ATAD3B: variants seen among roughly 807,000 people sequenced by gnomAD.
ATAD3B encodes ATPase family AAA domain containing 3B, also known as ATPase family AAA domain-containing protein 3B.
Under a neutral mutation model 70.2 loss-of-function variants are expected in ATAD3B, and 59 were observed. The ratio of observed to expected loss-of-function variants is 0.84; its 90% CI spans 0.68 to 1.04. The LOEUF (loss-of-function observed/expected upper bound fraction) is 1.04, where lower values mean the gene tolerates loss of function less well. ATAD3B is among the 50% of genes least tolerant of loss of function. The pLI, the probability that ATAD3B is intolerant of heterozygous loss-of-function variation, is 0.00. For synonymous variants in ATAD3B, 423 were observed against 388.6 expected (o/e 1.09, Z -1.04); for missense variants, 961 against 913.4 (o/e 1.05, Z -0.67).
chr1:1,509,359 G>A, the ATAD3B span: 2 of 1,609,860 alleles, frequency 1.2e-6, no homozygotes, highest in Non-Finnish European at 1.7e-6. Context: ...TGAGTCCATG[G>A]GGAGACCACA....
rs1286706496 is a variant in ATAD3B at position 1,496,888 on chromosome 1, C to T, written c.*1071C>T. 7.6e-5 allele frequency: 11 copies of T among 145,074 alleles called. No individual in the cohort carries two copies. Among genetic ancestry groups the T allele is most frequent in the East Asian group, 2.1e-4 (1 of 4,752 alleles). 9.0% of individuals were successfully genotyped at this position (145,074 alleles called of 1,614,324 possible). A position where few individuals can be genotyped will look rare whatever the true frequency, so the allele number is the denominator to read the frequency against. ...CTGCACAGTCACTCCTCCAGGTCCT[C>T]GCTGCTGGAGGACTCTCAGACAGGA... is the stretch of plus-strand genomic sequence containing the variant. On this transcript the variant is annotated 3_prime_UTR_variant, in exon 16 of 16. Transcript: ENST00000673477.
intron 13 of ATAD3B, chr1:1,489,734 G>C: frequency 6.9e-6 from 9 of 1,309,538 alleles, no homozygotes; most frequent in South Asian, 4.9e-5. Context: ...CTGCTGGTCG[G>C]CCGTGGCTGA....
At chr1:1,495,336 G>T (rs1346730462) in intron 15 of ATAD3B, 149 bp from the exon 16 acceptor site, 2 of 1,119,266 alleles carry the variant, frequency 1.8e-6, no homozygotes, top group Non-Finnish European at 2.5e-6. Flanking sequence ...ACGCGTGCTG[G>T]GCTCTGCCAA....
chr1:1,480,642 G>C (rs1470740989), intron 4 of ATAD3B, among the ~76,000 whole-genome samples: 4 of 147,248 alleles, frequency 2.7e-5, no homozygotes, highest in Admixed American at 1.4e-4. Flanking sequence ...CACAGTGGGG[G>C]CTGTTTCTGC....
At chr1:1,491,820 G>A (rs1021147727) in intron 15 of ATAD3B, among the ~76,000 whole-genome samples, 11 of 151,948 alleles carry the variant, frequency 7.2e-5, no homozygotes, top group East Asian at 1.9e-4. Context: ...CTCAAACCCC[G>A]TCCTTGTGGG....
chr1:1,507,626 T>C, the ATAD3B span, among the ~76,000 whole-genome samples: 6 of 152,336 alleles, frequency 3.9e-5, no homozygotes, highest in East Asian at 1.2e-3. Context: ...CCAGTGATGC[T>C]CATCAAGGAT....
At chr1:1,489,028 G>A (rs1640385173) in intron 12 of ATAD3B, among the ~76,000 whole-genome samples, 176 bp from the exon 13 acceptor site, 1 of 151,870 alleles carries the variant, frequency 6.6e-6, no homozygotes, top group South Asian at 2.1e-4. Context: ...CTCCCAAAAT[G>A]CTGGGTTACA....
Position 1,477,358 on chromosome 1 carries a change from G to C in ATAD3B, c.282+8G>C. ...CAACAGTCCAAGCTCAAAGTGAGTGGGGCCGGTGTGGGCGAGGAGGCCGGG... is the reference window on the plus strand; with the variant it reads ...CAACAGTCCAAGCTCAAAGTGAGTGCGGCCGGTGTGGGCGAGGAGGCCGGG... On this transcript the variant is annotated splice_region_variant and intron_variant, in intron 2 of 15. Transcript: ENST00000673477. 6.2e-7 allele frequency: 1 copy of C among 1,611,996 alleles called. No homozygotes were observed. Among genetic ancestry groups the C allele is most frequent in the African/African-American group, 1.3e-5 (1 of 74,970 alleles).
At chr1:1,488,770 C>T (rs1041046269) in intron 12 of ATAD3B, among the ~76,000 whole-genome samples, 14 of 151,576 alleles carry the variant, frequency 9.2e-5, no homozygotes, top group Admixed American at 2.6e-4. Flanking sequence ...AAAAAAAAAG[C>T]GAGAGATTTG....
rs372554613 is a variant in ATAD3B at position 1,478,128 on chromosome 1, C to T, written c.283-516C>T. On this transcript the variant is annotated intron_variant, in intron 2 of 15. Coordinates refer to ENST00000673477, the MANE Select transcript of ATAD3B (RefSeq NM_031921.6). The stretch of plus-strand genomic sequence containing the variant: ...CCTCCTGCCTCAGCCTTCCGAGCAG[C>T]TGGGACTACAGGAGCCTGCCACCAC... 4.2e-4 allele frequency: 93 copies of T among 222,902 alleles called. No homozygotes were observed. The East Asian group carries it at 9.1e-3, about 22-fold the overall frequency. The allele number at this position is 222,902 out of a possible 1,614,324, so 13.8% of individuals were successfully genotyped here.
rs77085485 is a variant in ATAD3B, at chr1:1,486,354, G to C, written c.1089+119G>C. On this transcript the variant is annotated intron_variant, in intron 10 of 15. Transcript: ENST00000673477. ...CCCCCTTAGGCCTTTGCCTACCCTC[G>C]TGTAGGCTCAGGGTGCTGGTGTGGG... is the stretch of plus-strand genomic sequence containing the variant. 89,686 of 1,589,426 alleles carry C rather than the reference G, an allele frequency of 0.056. 15,263 individuals carry two copies. The highest frequency in any genetic ancestry group is 0.46 in the East Asian group (20,239 of 44,410).
At chr1:1,503,396 A>C in the ATAD3B span, 1 of 620,516 alleles carries the variant, frequency 1.6e-6, no homozygotes. Flanking sequence ...CAAATGCATC[A>C]GGCCGTGTGC....
intron 15 of ATAD3B, among the ~76,000 whole-genome samples, chr1:1,492,977 A>G (rs1261698697): frequency 1.3e-5 from 2 of 150,742 alleles, no homozygotes; most frequent in African/African-American, 4.9e-5. Context: ...CTGGTGTGGT[A>G]GCAGGCACCT....
At position 1,490,687 on chromosome 1, in the gene ATAD3B, G is replaced by A. The variant is rs780910762; in HGVS notation, c.1614+16G>A. 3.2e-6 allele frequency: 5 copies of A among 1,562,218 alleles called. No homozygotes were observed. The highest frequency in any genetic ancestry group is 1.7e-4 in the Middle Eastern group (1 of 5,908). ...GTCCTGGCAGGTGAGTCAGGCTCCG[G>A]CACGTCCACCCAGACGGGACCCCAG... On this transcript the variant is annotated intron_variant, in intron 15 of 15. Coordinates refer to ENST00000673477, the MANE Select transcript of ATAD3B (RefSeq NM_031921.6).
At chr1:1,491,192 C>A (rs188165804) in intron 15 of ATAD3B, among the ~76,000 whole-genome samples, 4 of 152,076 alleles carry the variant, frequency 2.6e-5, no homozygotes, top group Admixed American at 2.6e-4. Flanking sequence ...CTTGGATACT[C>A]CAGGGCCGAG....
the ATAD3B span, among the ~76,000 whole-genome samples, chr1:1,505,512 G>C: frequency 1.3e-5 from 2 of 152,056 alleles, no homozygotes. Context: ...AAACTCCCCC[G>C]GGGAAAGGGA....
downstream of ATAD3B, among the ~76,000 whole-genome samples, chr1:1,498,260 G>A (rs1027847577): frequency 2.0e-5 from 3 of 151,734 alleles, no homozygotes; most frequent in South Asian, 2.1e-4. Context: ...CCAAGACCCC[G>A]CCATTGCACT....
intron 12 of ATAD3B, among the ~76,000 whole-genome samples, chr1:1,488,483 T>G (rs1640356546): frequency 6.6e-6 from 1 of 151,988 alleles, no homozygotes; most frequent in South Asian, 2.1e-4. Flanking sequence ...GGCCTTGGCC[T>G]GGCACAGTGG....
intron 15 of ATAD3B, among the ~76,000 whole-genome samples, chr1:1,491,485 C>T (rs1261592811): frequency 2.6e-5 from 4 of 151,866 alleles, no homozygotes; most frequent in Non-Finnish European, 2.9e-5. Flanking sequence ...GAGCCAAGAT[C>T]GCACCACCGC....
Sources: allele counts gnomAD v4.1 joint callset (sites outside exome capture counted in the v4.1 genomes callset), GRCh38; gene constraint gnomAD v4.1.1; transcripts MANE v1.5; gene names NCBI Gene and HGNC (gene_info 2026-07-23, HGNC 2026-07-21).